The following YPEL2 variants were observed in gnomAD, a reference collection of about 807,000 sequenced individuals.
The protein encoded by YPEL2 is yippee like 2.
A neutral mutation model predicts 19.1 loss-of-function variants in YPEL2; 2 were observed. The observed-to-expected ratio is 0.10, with a 90% CI of 0.04 to 0.33. The LOEUF is 0.33. Among genes scored for constraint, YPEL2 ranks in the 10% least tolerant of loss-of-function variants. YPEL2 has a pLI of 1.00. For missense variants in YPEL2, 66 were observed against 140.7 expected (o/e 0.47, Z 2.68); for synonymous variants, 52 against 50.0 (o/e 1.04, Z -0.17).
intron 1 of YPEL2, among the ~76,000 whole-genome samples, chr17:59,337,484 C>T (rs145045836): frequency 2.0e-5 from 3 of 152,222 alleles, no homozygotes; most frequent in East Asian, 1.9e-4. Context: ...CCACCGCGCC[C>T]GGCCGGGAGA....
At chr17:59,340,227 G>T (rs1321984852) in intron 1 of YPEL2, among the ~76,000 whole-genome samples, 1 of 151,464 alleles carries the variant, frequency 6.6e-6, no homozygotes, top group Non-Finnish European at 1.5e-5. Context: ...TCCTGCCCCA[G>T]CCTCCAGAGT....
intron 1 of YPEL2, among the ~76,000 whole-genome samples, chr17:59,332,729 T>C (rs1322501185): frequency 2.6e-5 from 4 of 152,194 alleles, no homozygotes; most frequent in Non-Finnish European, 5.9e-5. Flanking sequence ...AGCGAGTGTC[T>C]TGTTTTCCTC....
intron 4 of YPEL2, among the ~76,000 whole-genome samples, chr17:59,392,593 C>G (rs2048013295): frequency 6.7e-6 from 1 of 149,266 alleles, no homozygotes; most frequent in Admixed American, 6.7e-5. Context: ...TTACTGCAAC[C>G]TCCACCTCCT....
At chr17:59,339,310 G>T (rs181799583) in intron 1 of YPEL2, among the ~76,000 whole-genome samples, 1 of 152,222 alleles carries the variant, frequency 6.6e-6, no homozygotes, top group Non-Finnish European at 1.5e-5. Context: ...TGTTTTGCTC[G>T]CGGGGCTCTT....
intron 1 of YPEL2, among the ~76,000 whole-genome samples, chr17:59,334,655 C>T (rs1024657765): frequency 1.3e-5 from 2 of 151,726 alleles, no homozygotes; most frequent in Non-Finnish European, 2.9e-5. Context: ...TTATTGTGTC[C>T]AGACATATTG....
intron 2 of YPEL2, among the ~76,000 whole-genome samples, chr17:59,373,369 A>G (rs1358589442): frequency 1.3e-5 from 2 of 152,242 alleles, no homozygotes; most frequent in East Asian, 3.9e-4. Context: ...AAGGCCTCAC[A>G]GCCTCTTTGA....
chr17:59,338,795 G>A (rs9895524), intron 1 of YPEL2, among the ~76,000 whole-genome samples: 30 of 152,314 alleles, frequency 2.0e-4, no homozygotes, highest in African/African-American at 7.2e-4. Flanking sequence ...GCTATCTCTA[G>A]GGATTCTCGA....
chr17:59,336,899 G>T (rs934288511), intron 1 of YPEL2, among the ~76,000 whole-genome samples: 1 of 152,194 alleles, frequency 6.6e-6, no homozygotes, highest in Non-Finnish European at 1.5e-5. Flanking sequence ...CCTGGAAGAA[G>T]TAACAGTTAC....
At chr17:59,334,217 T>G (rs1169154754) in intron 1 of YPEL2, among the ~76,000 whole-genome samples, 1 of 152,120 alleles carries the variant, frequency 6.6e-6, no homozygotes, top group African/African-American at 2.4e-5. Flanking sequence ...GTTCATAGAT[T>G]ATGTGAATTC....
chr17:59,366,548 G>C (rs943334925), intron 2 of YPEL2, among the ~76,000 whole-genome samples: 1 of 152,178 alleles, frequency 6.6e-6, no homozygotes, highest in Non-Finnish European at 1.5e-5. Flanking sequence ...GCCCAGCCGA[G>C]TCGGGCAGCC....
At chr17:59,354,025 G>T in intron 2 of YPEL2, 1 of 229,802 alleles carries the variant, frequency 4.4e-6, no homozygotes, top group Non-Finnish European at 8.7e-6. Context: ...TGACCTTCTG[G>T]CCTGTGGGGG....
At chr17:59,380,424 C>T (rs1372161439) in intron 2 of YPEL2, among the ~76,000 whole-genome samples, 1 of 151,768 alleles carries the variant, frequency 6.6e-6, no homozygotes. Context: ...CATGCATCAC[C>T]ACGCCCAGCT....
intron 2 of YPEL2, chr17:59,354,849 T>C (rs1168144498): frequency 6.6e-6 from 1 of 152,264 alleles, no homozygotes; most frequent in Non-Finnish European, 1.5e-5. Context: ...CTTCGAATTT[T>C]GGGGAACCCC....
chr17:59,376,710 T>A (rs560235312), intron 2 of YPEL2, among the ~76,000 whole-genome samples: 161 of 152,298 alleles, frequency 1.1e-3, no homozygotes, highest in Non-Finnish European at 1.8e-3. Context: ...GAGCCATGAC[T>A]GTTATTTCAT....
chr17:59,352,437 A>G (rs779738400), intron 1 of YPEL2, among the ~76,000 whole-genome samples: 1 of 152,200 alleles, frequency 6.6e-6, no homozygotes, highest in South Asian at 2.1e-4. Context: ...GGAAAGATGT[A>G]TGGTCCTATG....
At chr17:59,336,335 A>G (rs2047698590) in intron 1 of YPEL2, among the ~76,000 whole-genome samples, 1 of 152,164 alleles carries the variant, frequency 6.6e-6, no homozygotes, top group Non-Finnish European at 1.5e-5. Context: ...GTTGTCATTA[A>G]TAATAAACAA....
intron 1 of YPEL2, among the ~76,000 whole-genome samples, chr17:59,343,175 G>T (rs1351929915): frequency 1.3e-5 from 2 of 152,218 alleles, no homozygotes. Context: ...TGGTGTGTAA[G>T]TCCCATGTAA....
At chr17:59,386,268 A>C (rs989564635) in intron 2 of YPEL2, among the ~76,000 whole-genome samples, 8 of 151,802 alleles carry the variant, frequency 5.3e-5, no homozygotes, top group Admixed American at 3.3e-4. Flanking sequence ...TGGAGGCTAC[A>C]GTGAGTCATG....
At chr17:59,389,884 T>C (rs888465171) in intron 4 of YPEL2, among the ~76,000 whole-genome samples, 1 of 152,194 alleles carries the variant, frequency 6.6e-6, no homozygotes, top group Non-Finnish European at 1.5e-5. Context: ...TAGGAATCCA[T>C]GTAATATTCT....
Sources: gnomAD v4.1 joint callset for allele counts (sites outside exome capture counted in the v4.1 genomes callset) on GRCh38, gnomAD v4.1.1 for gene constraint, MANE v1.5 for transcripts, NCBI Gene and HGNC (gene_info 2026-07-23, HGNC 2026-07-21) for gene names.